ZNF335: variants seen among roughly 807,000 people sequenced by gnomAD.
The protein encoded by ZNF335 is NRC-interacting factor 1.
Under a neutral mutation model 145.6 loss-of-function variants are expected in ZNF335, and 84 were observed. The observed-to-expected ratio is 0.58, with a 90% CI of 0.48 to 0.69. The LOEUF (loss-of-function observed/expected upper bound fraction) is 0.69, where lower values mean the gene tolerates loss of function less well. Ranked by LOEUF, ZNF335 falls within the 30% of genes least tolerant of loss-of-function variation. The probability of loss-of-function intolerance (pLI) is 0.00; values close to 1 mark genes in which losing one functional copy is unlikely to be tolerated. For missense variants in ZNF335, 1,865 were observed against 1,809.7 expected (o/e 1.03, Z -0.55); for synonymous variants, 761 against 717.0 (o/e 1.06, Z -0.98).
intron 2 of ZNF335, 48 bp from the exon 3 acceptor site, chr20:45,969,739 G>C (rs375660289): frequency 1.3e-6 from 2 of 1,589,692 alleles, no homozygotes; most frequent in Non-Finnish European, 1.7e-6. Context: ...GCTGGGTATG[G>C]GGCAGGGCAG....
At chr20:45,949,287 G>A (rs747940466) in intron 26 of ZNF335, 36 bp from the exon 27 acceptor site, 2 of 1,613,990 alleles carry the variant, frequency 1.2e-6, no homozygotes, top group South Asian at 2.2e-5. Flanking sequence ...CTGGCCTGGA[G>A]AAACCTGCCT....
Position 45,952,311 on chromosome 20 carries a change from G to T in ZNF335, c.3025C>A (p.Pro1009Thr). 6.2e-7 allele frequency: 1 copy of T among 1,613,524 alleles called. No individual in the cohort carries two copies. Among genetic ancestry groups the T allele is most frequent in the Non-Finnish European group, 8.5e-7 (1 of 1,179,990 alleles). Residue 1009 changes from proline to threonine, a missense_variant, in exon 20 of 28, where the codon CCA (proline) becomes ACA (threonine). Physicochemically the swap from Pro to Thr is conservative, Grantham distance 38 (BLOSUM62 -1). Transcript: ENST00000322927. ...TTTGATGCAGCAGTGGCTGCAGATG[G>T]CGGTGACGGGGGCACTGCCAGGCCC... ...ALGLAVPPSP[P>T]SAATAASKKF...
At chr20:45,967,684 A>G in intron 5 of ZNF335, 50 bp from the exon 6 acceptor site, 1 of 1,609,928 alleles carries the variant, frequency 6.2e-7, no homozygotes, top group South Asian at 1.1e-5. Flanking sequence ...GGCTCCCAGC[A>G]CCCCACCCCT....
chr20:45,955,870 T>A (rs1027338472), intron 17 of ZNF335, among the ~76,000 whole-genome samples: 1 of 151,708 alleles, frequency 6.6e-6, no homozygotes, highest in Non-Finnish European at 1.5e-5. Context: ...AGTGAAGCAC[T>A]GCTTGAATTA....
chr20:45,969,539 C>G lies in ZNF335; in HGVS notation c.354G>C (p.Leu118=), dbSNP rs2084019023. The part of the protein sequence containing the change: ...HSSALPDPNM[L]VSDCTASSSD... ...AGGAGGAAGCTGTGCAGTCGGACAC[C>G]AGCATGTTGGGGTCTGGGAGTGCAC... The change falls in exon 3 of 28, where the codon CTG becomes CTC. Residue 118 remains leucine (L), a synonymous_variant. Transcript: ENST00000322927. 6.3e-7 allele frequency: 1 copy of G among 1,592,954 alleles called. No individual in the cohort carries two copies. Among genetic ancestry groups the G allele is most frequent in the Non-Finnish European group, 8.6e-7 (1 of 1,162,966 alleles).
chr20:45,957,664 T>C lies in ZNF335; in HGVS notation c.2364A>G (p.Thr788=), dbSNP rs2083753895. The C allele has an allele frequency of 2.5e-6, 4 of 1,614,164 alleles. No homozygotes were observed. Among genetic ancestry groups the C allele is most frequent in the South Asian group, 1.1e-5 (1 of 91,084 alleles). Residue 788 remains threonine, a synonymous_variant, in exon 17 of 28, where the codon ACA becomes ACG. Coordinates refer to ENST00000322927, the MANE Select transcript of ZNF335 (RefSeq NM_022095.4). The stretch of plus-strand genomic sequence containing the variant: ...CCAAGGCTGTCTGCGTGGCCATCGC[T>C]GTCGACTCCTCAGCTCCTGGGTGGG... The part of the protein sequence containing the change: ...IIYQQGAEES[T]AMATQTALDL...
rs768545295 is a variant in ZNF335, at chr20:45,965,723, C to T, written c.1007G>A (p.Arg336Gln). Residue 336 changes from arginine to glutamine, a missense_variant, in exon 7 of 28, where the codon CGG becomes CAG. Physicochemically the swap from Arg to Gln is conservative, Grantham distance 43 (BLOSUM62 1). Transcript: ENST00000322927. ...AEDEPRGRQL[R>Q]LQRPTPSTPR... ...GGTACTGGGGGTGGGGCGCTGGAGCCGAAGCTGCCGGCCTCGGGGCTCATC... is the reference window on the plus strand; with the variant it reads ...GGTACTGGGGGTGGGGCGCTGGAGCTGAAGCTGCCGGCCTCGGGGCTCATC... 28 of 1,606,496 alleles carry T rather than the reference C, an allele frequency of 1.7e-5. No homozygotes were observed. The highest frequency in any genetic ancestry group is 2.0e-5 in the Non-Finnish European group (23 of 1,176,922).
Position 45,959,434 on chromosome 20 carries a change from C to A in ZNF335, c.2021-1G>T. 6.9e-7 allele frequency: 1 copy of A among 1,439,680 alleles called. No homozygotes were observed. 89.2% of individuals were successfully genotyped at this position (1,439,680 alleles called of 1,614,324 possible). On this transcript the variant is annotated splice_acceptor_variant, in intron 14 of 27. Coordinates refer to ENST00000322927, the MANE Select transcript of ZNF335 (RefSeq NM_022095.4). LOFTEE classifies it high-confidence loss of function. Reference sequence around the variant, plus strand: ...TACTCACAGGCGAAGGGCTTGGCCCCTGGAGGCACATGTTGGGGCATGCTT... The same window carrying A: ...TACTCACAGGCGAAGGGCTTGGCCCATGGAGGCACATGTTGGGGCATGCTT...
Position 45,948,800 on chromosome 20 carries a change from C to T in ZNF335, c.*153G>A. ...GGCTGGGGCCCATGGCTGCCCCTAA[C>T]CCCAACAGCACAGGTCTGGCTCCCT... is the stretch of plus-strand genomic sequence containing the variant. On this transcript the variant is annotated 3_prime_UTR_variant, in exon 28 of 28. Coordinates refer to ENST00000322927, the MANE Select transcript of ZNF335 (RefSeq NM_022095.4). 7.7e-7 allele frequency: 1 copy of T among 1,290,468 alleles called. No individual in the cohort carries two copies. Among genetic ancestry groups the T allele is most frequent in the Non-Finnish European group, 1.1e-6 (1 of 927,096 alleles). 79.9% of individuals were successfully genotyped at this position (1,290,468 alleles called of 1,614,324 possible).
intron 9 of ZNF335, among the ~76,000 whole-genome samples, chr20:45,962,406 C>T (rs979970142): frequency 6.6e-6 from 1 of 152,266 alleles, no homozygotes; most frequent in South Asian, 2.1e-4. Flanking sequence ...TGGCTCACAA[C>T]TTGACAAAGA....
chr20:45,969,466 G>A lies in ZNF335; in HGVS notation c.427C>T (p.Pro143Ser). Reference sequence around the variant, plus strand: ...CCTGACTCACTCTGGATGAGGTCGGGCCCGATGGTGGACTCGATGATCTTG... The same window carrying A: ...CCTGACTCACTCTGGATGAGGTCGGACCCGATGGTGGACTCGATGATCTTG... Reference protein sequence around the residue: ...IDKIIESTIGPDLIQNCITVT... With the variant: ...IDKIIESTIGSDLIQNCITVT... The change falls in exon 3 of 28, where the codon CCC becomes TCC. Residue 143 changes from proline to serine, a missense_variant. Coordinates refer to ENST00000322927, the MANE Select transcript of ZNF335 (RefSeq NM_022095.4). The A allele has an allele frequency of 6.5e-7, 1 of 1,548,370 alleles. No individual in the cohort carries two copies.
In ZNF335 at chr20:45,972,110, C is replaced by G; in HGVS notation, c.-51+12G>C. On this transcript the variant is annotated intron_variant, in intron 1 of 27. Coordinates refer to ENST00000322927, the MANE Select transcript of ZNF335 (RefSeq NM_022095.4). The stretch of plus-strand genomic sequence containing the variant: ...GGTACGGTGGGGCCGCCTAACTCTA[C>G]CCGAAGCTCACCCGAGGCTTTCGTA... The G allele has an allele frequency of 7.8e-7, 1 of 1,289,358 alleles. No homozygotes were observed. The highest frequency in any genetic ancestry group is 1.0e-6 in the Non-Finnish European group (1 of 988,662). The allele number at this position is 1,289,358 out of a possible 1,614,324, so 79.9% of individuals were successfully genotyped here.
intron 14 of ZNF335, 93 bp downstream of exon 14, chr20:45,960,115 G>T: frequency 7.0e-7 from 1 of 1,434,438 alleles, no homozygotes; most frequent in Non-Finnish European, 9.4e-7. Context: ...TGGGGCTACC[G>T]AGGGGGAAGG....
chr20:45,971,579 G>A (rs2084068918), intron 1 of ZNF335, 119 bp from the exon 2 acceptor site: 1 of 1,446,200 alleles, frequency 6.9e-7, no homozygotes, highest in East Asian at 2.5e-5. Context: ...AGTCTCCGAC[G>A]GGGCGGAGCT....
intron 17 of ZNF335, among the ~76,000 whole-genome samples, chr20:45,955,077 G>A (rs993360302): frequency 6.6e-6 from 1 of 152,014 alleles, no homozygotes; most frequent in Admixed American, 6.5e-5. Context: ...GAGGCCGGGC[G>A]TGGTGGCTCA....
Position 45,952,669 on chromosome 20 carries a change from TCACA to T in ZNF335, c.2739_2742del (p.Ser915ThrfsTer3), listed in dbSNP as rs754607135. 6.2e-7 allele frequency: 1 copy of T among 1,613,674 alleles called. No homozygotes were observed. The highest frequency in any genetic ancestry group is 1.3e-5 in the African/African-American group (1 of 75,008). The stretch of plus-strand genomic sequence containing the variant: ...GTGCCAGCTTCTTTTAGGGTGTCAC[TCACA>T]ACCACAGCCTGGGCTGCCTCTCCTG... On this transcript the variant is annotated frameshift_variant, in exon 19 of 28. Transcript: ENST00000322927. LOFTEE classifies it high-confidence loss of function.
rs775187200 is a variant in ZNF335, at chr20:45,950,325, A to G, written c.3381T>C (p.Ser1127=). ...GGGTTCCTGACTTCCTCCCATCAGG[A>G]CTGTGCAGCCGCTGGATGTGGAACT... ...HLKFHIQRLH[S]PDGRKSGTPT... Residue 1127 remains serine, a synonymous_variant, in exon 22 of 28, where the codon AGT becomes AGC. Coordinates refer to ENST00000322927, the MANE Select transcript of ZNF335 (RefSeq NM_022095.4). The G allele has an allele frequency of 8.9e-6, 14 of 1,579,766 alleles. No individual in the cohort carries two copies. In the South Asian group the frequency reaches 1.7e-4, roughly 19 times the overall value.
At chr20:45,965,526 C>T (rs2083934738) in intron 7 of ZNF335, 102 bp downstream of exon 7, 10 of 1,403,308 alleles carry the variant, frequency 7.1e-6, no homozygotes, top group Non-Finnish European at 9.5e-6. Flanking sequence ...GAGACAGCTG[C>T]CCTGCAGGGC....
In ZNF335 at chr20:45,952,396, G is replaced by A. The variant is rs777836403; in HGVS notation, c.2940C>T (p.Thr980=). The part of the protein sequence containing the change: ...DGPEPPSPAK[T]HCVGDSQSSA... The stretch of plus-strand genomic sequence containing the variant: ...AGCTCTGGGAGTCCCCTACGCAGTG[G>A]GTCTTGGCTGGAGATGGGGGCTCAG... The change falls in exon 20 of 28, where the codon ACC becomes ACT. Residue 980 remains threonine, a synonymous_variant. Transcript: ENST00000322927. 5.7e-6 allele frequency: 9 copies of A among 1,591,900 alleles called. No homozygotes were observed. Among genetic ancestry groups the A allele is most frequent in the Non-Finnish European group, 7.7e-6 (9 of 1,166,096 alleles).
Sources: gnomAD v4.1 joint callset for allele counts (sites outside exome capture counted in the v4.1 genomes callset) on GRCh38, gnomAD v4.1.1 for gene constraint, MANE v1.5 for transcripts, NCBI Gene and HGNC (gene_info 2026-07-23, HGNC 2026-07-21) for gene names.